The following BCOR variants were observed in gnomAD, a reference collection of about 807,000 sequenced individuals.
BCOR encodes BCL-6 corepressor.
In BCOR, 10 loss-of-function variants were observed where a neutral mutation model predicts 86.7. That is an observed-to-expected ratio of 0.12 (90% CI 0.07 to 0.20). The LOEUF (loss-of-function observed/expected upper bound fraction) is 0.20, where lower values mean the gene tolerates loss of function less well. Among genes scored for constraint, BCOR ranks in the 10% least tolerant of loss-of-function variants. BCOR has a pLI of 1.00. For missense variants in BCOR, 1,259 were observed against 1,452.1 expected (o/e 0.87, Z 2.16); for synonymous variants, 611 against 609.0 (o/e 1.00, Z -0.05).
intron 7 of BCOR, 73 bp from the exon 8 acceptor site, chrX:40,064,025 T>C (rs1262762184): frequency 7.2e-6 from 1 of 138,319 alleles, no homozygotes. Flanking sequence ...GCATCACTAA[T>C]GGGGTGGGGG....
intron 12 of BCOR, 123 bp downstream of exon 12, chrX:40,055,245 T>A: frequency 1.4e-6 from 1 of 702,363 alleles, no homozygotes. Flanking sequence ...AACACTCGGC[T>A]GCTCTCCTAA....
chrX:40,155,022 G>A (rs897484771), intron 1 of BCOR, among the ~76,000 whole-genome samples: 1 of 110,835 alleles, frequency 9.0e-6, no homozygotes, highest in African/African-American at 3.3e-5. Context: ...CGCCCGCCGC[G>A]GCCCGCAGTG....
rs1273761017 is a variant in BCOR at position 40,063,080 on chromosome X, G to A, written c.3848-9C>T. On this transcript the variant is annotated splice_polypyrimidine_tract_variant and intron_variant, in intron 8 of 14. Coordinates refer to ENST00000378444, the MANE Select transcript of BCOR (RefSeq NM_001123385.2). Reference sequence around the variant, plus strand: ...GGAGAACACAGGCAAGCCTAAATACGGAGGGGGTGACGGGGTGGCGGGCGG... The same window carrying A: ...GGAGAACACAGGCAAGCCTAAATACAGAGGGGGTGACGGGGTGGCGGGCGG... 8.8e-6 allele frequency: 10 copies of A among 1,135,961 alleles called. No homozygotes were observed. In the African/African-American group the frequency reaches 1.1e-4, roughly 13 times the overall value. The allele number at this position is 1,135,961 out of a possible 1,213,427, so 93.6% of individuals were successfully genotyped here. A position where few individuals can be genotyped will look rare whatever the true frequency, so the allele number is the denominator to read the frequency against.
intron 1 of BCOR, among the ~76,000 whole-genome samples, chrX:40,086,699 G>A (rs1201976598): frequency 1.8e-5 from 2 of 113,789 alleles, no homozygotes; most frequent in Non-Finnish European, 3.7e-5. Flanking sequence ...CTGCTCGCGC[G>A]CCAACAGCTG....
intron 1 of BCOR, among the ~76,000 whole-genome samples, chrX:40,152,807 C>T (rs1049534035): frequency 8.9e-6 from 1 of 112,635 alleles, no homozygotes; most frequent in Non-Finnish European, 1.9e-5. Context: ...GCGGCTGCCC[C>T]CGGGGAAACA....
chrX:40,087,498 G>A (rs969496897), intron 1 of BCOR, among the ~76,000 whole-genome samples: 3 of 112,308 alleles, frequency 2.7e-5, no homozygotes, highest in African/African-American at 9.7e-5. Flanking sequence ...ACCAATAACC[G>A]ATGGGCAGAG....
intron 14 of BCOR, among the ~76,000 whole-genome samples, chrX:40,052,866 C>T (rs760982499): frequency 2.7e-5 from 3 of 111,744 alleles, no homozygotes; most frequent in South Asian, 3.7e-4. Flanking sequence ...GCCCGGCCAT[C>T]GCCATTCCTT....
chrX:40,174,828 G>C (rs1315844198), intron 1 of BCOR, among the ~76,000 whole-genome samples: 1 of 112,936 alleles, frequency 8.9e-6, no homozygotes, highest in Non-Finnish European at 1.9e-5. Context: ...CCTATCTACC[G>C]TTTGACCACA....
intron 1 of BCOR, among the ~76,000 whole-genome samples, chrX:40,173,685 G>C (rs1392620420): frequency 8.9e-6 from 1 of 112,329 alleles, no homozygotes; most frequent in African/African-American, 3.2e-5. Flanking sequence ...GTTCCGTCAG[G>C]GCTCAGGCAC....
chrX:40,155,089 C>T (rs1435895963), intron 1 of BCOR, among the ~76,000 whole-genome samples: 1 of 109,195 alleles, frequency 9.2e-6, no homozygotes, highest in African/African-American at 3.3e-5. Flanking sequence ...AGGGGCGGGG[C>T]GGGCTTAACC....
chrX:40,070,913 T>C, intron 6 of BCOR, 60 bp downstream of exon 6: 1 of 1,114,146 alleles, frequency 9.0e-7, no homozygotes, highest in Non-Finnish European at 1.2e-6. Context: ...AGCCCATTTC[T>C]CCAAGCAGAT....
chrX:40,154,137 A>G (rs1938232677), intron 1 of BCOR, among the ~76,000 whole-genome samples: 1 of 111,983 alleles, frequency 8.9e-6, no homozygotes, highest in Non-Finnish European at 1.9e-5. Flanking sequence ...AATAATGATA[A>G]TAAGAGAAAA....
intron 1 of BCOR, among the ~76,000 whole-genome samples, chrX:40,167,942 A>G (rs1048627097): frequency 6.2e-5 from 7 of 112,753 alleles, no homozygotes; most frequent in African/African-American, 1.9e-4. Flanking sequence ...ACAGCTCATG[A>G]ATGAACTCTT....
intron 1 of BCOR, among the ~76,000 whole-genome samples, chrX:40,169,310 T>A (rs1938570547): frequency 8.9e-6 from 1 of 111,863 alleles, no homozygotes; most frequent in Non-Finnish European, 1.9e-5. Flanking sequence ...TCTGATGTGC[T>A]CAACAGATTC....
chrX:40,152,553 C>A (rs762464305), intron 1 of BCOR, among the ~76,000 whole-genome samples: 1 of 113,173 alleles, frequency 8.8e-6, no homozygotes, highest in South Asian at 3.6e-4. Context: ...CGTGCACGCC[C>A]TCCCCGCCCG....
chrX:40,127,048 A>G (rs1226457771), intron 1 of BCOR, among the ~76,000 whole-genome samples: 2 of 111,596 alleles, frequency 1.8e-5, no homozygotes, highest in African/African-American at 3.3e-5. Flanking sequence ...CACCCAGTGT[A>G]TGTTACTTTG....
chrX:40,062,026 C>A (rs1272149804), intron 10 of BCOR, 113 bp downstream of exon 10: 30 of 987,228 alleles, frequency 3.0e-5, no homozygotes, highest in Non-Finnish European at 4.0e-5. Flanking sequence ...ACCGGCCCAG[C>A]CCCGATGTGG....
chrX:40,112,557 G>T (rs1378941933), intron 1 of BCOR, among the ~76,000 whole-genome samples: 1 of 111,284 alleles, frequency 9.0e-6, no homozygotes, highest in Non-Finnish European at 1.9e-5. Context: ...GTGGTGCTAG[G>T]ATTCAAATCC....
Position 40,139,445 on chromosome X carries a change from TA to T in BCOR, c.-41+37561del, listed in dbSNP as rs1345043149. ...ATATACATATATATATATATATATATAATATATATACATATATATATATATA... is the reference window on the plus strand; with the variant it reads ...ATATACATATATATATATATATATATATATATATACATATATATATATATA... On this transcript the variant is annotated intron_variant, in intron 1 of 14. Transcript: ENST00000342274. Among the ~76,000 whole-genome samples, 9 of 7,847 alleles carry T rather than the reference TA, an allele frequency of 1.1e-3. 2 individuals are homozygous for T. In the South Asian group the frequency reaches 0.016, roughly 14 times the overall value. The allele number at this position is 7,847 out of a possible 115,157, so 6.8% of individuals were successfully genotyped here.
Sources: gnomAD v4.1 joint callset for allele counts (sites outside exome capture counted in the v4.1 genomes callset) on GRCh38, gnomAD v4.1.1 for gene constraint, MANE v1.5 for transcripts, NCBI Gene and HGNC (gene_info 2026-07-23, HGNC 2026-07-21) for gene names.